FAM186A: variants seen among roughly 807,000 people sequenced by gnomAD.
The protein encoded by FAM186A is family with sequence similarity 186 member A.
A neutral mutation model predicts 216.8 loss-of-function variants in FAM186A; 163 were observed. The ratio of observed to expected loss-of-function variants is 0.75; its 90% CI spans 0.66 to 0.86. FAM186A has a LOEUF of 0.86. FAM186A is among the 40% of genes least tolerant of loss of function. The pLI, the probability that FAM186A is intolerant of heterozygous loss-of-function variation, is 0.00. For missense variants in FAM186A, 2,184 were observed against 2,746.2 expected (o/e 0.80, Z 4.58); for synonymous variants, 805 against 1,025.3 (o/e 0.79, Z 4.10).
At chr12:50,332,193 A>C (rs1270083655) in intron 5 of FAM186A, among the ~76,000 whole-genome samples, 1 of 152,250 alleles carries the variant, frequency 6.6e-6, no homozygotes, top group Non-Finnish European at 1.5e-5. Context: ...GCAGTATGCA[A>C]CTGTAATGAT....
In FAM186A at chr12:50,396,513, T is replaced by G; in HGVS notation, c.-29A>C. The G allele has an allele frequency of 6.6e-7, 1 of 1,525,054 alleles. No individual in the cohort carries two copies. Among genetic ancestry groups the G allele is most frequent in the East Asian group, 2.5e-5 (1 of 40,736 alleles). 94.5% of individuals were successfully genotyped at this position (1,525,054 alleles called of 1,614,324 possible). The stretch of plus-strand genomic sequence containing the variant: ...GAAAATGTGGGTGATTTCGTTTTAT[T>G]TCTTCTTTTTCACAGAATCTACAAA... On this transcript the variant is annotated 5_prime_UTR_variant, in exon 1 of 8. Transcript: ENST00000327337.
At chr12:50,346,685 A>C (rs1230658393) in intron 4 of FAM186A, among the ~76,000 whole-genome samples, 2 of 151,898 alleles carry the variant, frequency 1.3e-5, no homozygotes, top group African/African-American at 4.8e-5. Context: ...GTCTCTACTA[A>C]AAATACAAAA....
chr12:50,370,327 C>G (rs916485685), intron 1 of FAM186A, among the ~76,000 whole-genome samples: 1 of 151,190 alleles, frequency 6.6e-6, no homozygotes, highest in Admixed American at 6.6e-5. Context: ...AAACAAAAAC[C>G]CAAATAAACC....
intron 1 of FAM186A, among the ~76,000 whole-genome samples, chr12:50,383,916 G>A (rs1396716865): frequency 2.0e-5 from 3 of 152,012 alleles, no homozygotes; most frequent in Middle Eastern, 3.2e-3. Context: ...CCAGGAAATC[G>A]AGACCATCCT....
At chr12:50,383,768 T>C (rs1042859645) in intron 1 of FAM186A, among the ~76,000 whole-genome samples, 5 of 151,988 alleles carry the variant, frequency 3.3e-5, no homozygotes, top group African/African-American at 1.2e-4. Context: ...AACTCCTCAT[T>C]GTAAGCAAAC....
intron 1 of FAM186A, among the ~76,000 whole-genome samples, chr12:50,385,814 A>G (rs1232316121): frequency 2.6e-5 from 4 of 151,962 alleles, no homozygotes. Flanking sequence ...AGGCAGGAGA[A>G]TTGCTTGAAC....
At chr12:50,364,338 A>C (rs1844570773) in intron 1 of FAM186A, among the ~76,000 whole-genome samples, 1 of 151,578 alleles carries the variant, frequency 6.6e-6, no homozygotes, top group African/African-American at 2.4e-5. Flanking sequence ...GCAGATCGCG[A>C]GGTCAGGAGA....
Position 50,353,752 on chromosome 12 carries a change from T to G in FAM186A, c.3080A>C (p.Lys1027Thr). 6.4e-7 allele frequency: 1 copy of G among 1,550,668 alleles called. No homozygotes were observed. The highest frequency in any genetic ancestry group is 8.7e-7 in the Non-Finnish European group (1 of 1,146,700). The change falls in exon 4 of 8, where the codon AAA (lysine) becomes ACA (threonine). Residue 1027 changes from lysine to threonine, a missense_variant. Physicochemically the swap from Lys to Thr is moderately conservative, Grantham distance 78 (BLOSUM62 -1). This residue lies in a region of FAM186A where 1,132 missense variants were observed against 1,263.4 expected (regional missense o/e 0.90). Coordinates refer to ENST00000327337, the MANE Select transcript of FAM186A (RefSeq NM_001145475.3). Reference protein sequence around the residue: ...LKDVQRSYEGKEFQRNLKTLE... With the variant: ...LKDVQRSYEGTEFQRNLKTLE... Reference sequence around the variant, plus strand: ...TGTCTTCAGATTCCTCTGAAACTCTTTTCCTTCATATGACCGCTGTACATC... The same window carrying G: ...TGTCTTCAGATTCCTCTGAAACTCTGTTCCTTCATATGACCGCTGTACATC...
intron 1 of FAM186A, among the ~76,000 whole-genome samples, chr12:50,372,932 A>AGAAG (rs1236094082): frequency 2.9e-5 from 4 of 139,318 alleles, no homozygotes; most frequent in East Asian, 2.4e-4. Context: ...AAAGAAAGAA[A>AGAAG]GAAGGAAGGA....
Position 50,373,699 on chromosome 12 carries a change from G to A in FAM186A, c.193-10335C>T, listed in dbSNP as rs968491411. On this transcript the variant is annotated intron_variant, in intron 1 of 7. Coordinates refer to ENST00000327337, the MANE Select transcript of FAM186A (RefSeq NM_001145475.3). ...GAAATAGGAACACTTTTACACTGTT[G>A]GTGGGACTGTAAACTAGTTCAACCA... 7.2e-5 allele frequency among the ~76,000 whole-genome samples: 11 copies of A among 152,222 alleles called. No homozygotes were observed. The East Asian group carries it at 9.7e-4, about 13-fold the overall frequency.
chr12:50,377,847 ACAAG>A (rs1943212918), intron 1 of FAM186A, among the ~76,000 whole-genome samples: 1 of 151,076 alleles, frequency 6.6e-6, no homozygotes, highest in Admixed American at 6.6e-5. Flanking sequence ...AAAAAAAAAA[ACAAG>A]AAAAGAAAGA....
intron 1 of FAM186A, among the ~76,000 whole-genome samples, chr12:50,363,772 AGAAAG>A (rs200359671): frequency 0.32 from 45,903 of 143,664 alleles, 7,446 homozygotes; most frequent in South Asian, 0.48. Context: ...AAAAAAAAAA[AGAAAG>A]AAAGAAAGAA....
At chr12:50,376,574 G>C (rs1029763333) in intron 1 of FAM186A, among the ~76,000 whole-genome samples, 40 of 152,048 alleles carry the variant, frequency 2.6e-4, no homozygotes, top group African/African-American at 7.5e-4. Flanking sequence ...GTTTTTATGG[G>C]CTCAAAAGGG....
intron 1 of FAM186A, 132 bp downstream of exon 1, chr12:50,396,161 A>AT (rs1327708522): frequency 2.6e-6 from 2 of 774,520 alleles, no homozygotes; most frequent in Non-Finnish European, 3.8e-6. Flanking sequence ...TGAAATTGTC[A>AT]TTTGAAGTCA....
Position 50,359,420 on chromosome 12 carries a change from C to T in FAM186A, c.583+1336G>A, listed in dbSNP as rs186499940. 1.2e-3 allele frequency among the ~76,000 whole-genome samples: 184 copies of T among 152,152 alleles called. 1 individual carries two copies. Among genetic ancestry groups the T allele is most frequent in the African/African-American group, 4.3e-3 (179 of 41,514 alleles). The stretch of plus-strand genomic sequence containing the variant: ...TCTCAAAAAAAAAGACAGACAATAA[C>T]AAGTGTTGTTGAGGAAATGGAGAAA... On this transcript the variant is annotated intron_variant, in intron 3 of 7. Coordinates refer to ENST00000327337, the MANE Select transcript of FAM186A (RefSeq NM_001145475.3).
rs1943083747 is a variant in FAM186A at position 50,365,960 on chromosome 12, G to A, written c.193-2596C>T. The A allele has an allele frequency of 3.9e-6, 3 of 767,234 alleles. No homozygotes were observed. In the South Asian group the frequency reaches 4.0e-5, roughly 10 times the overall value. The allele number at this position is 767,234 out of a possible 1,614,324, so 47.5% of individuals were successfully genotyped here. On this transcript the variant is annotated intron_variant, in intron 1 of 7. Transcript: ENST00000327337. ...TCCATGTGGGCCCTCGCCCCAGCAA[G>A]GTGGGTATCACTAGGCTAAAACTGG...
chr12:50,380,628 G>A (rs1012232106), intron 1 of FAM186A, among the ~76,000 whole-genome samples: 2 of 151,666 alleles, frequency 1.3e-5, no homozygotes, highest in Admixed American at 1.3e-4. Context: ...CCTGGGAGGT[G>A]GAGGTTGCAG....
Position 50,378,423 on chromosome 12 carries a change from G to A in FAM186A, c.193-15059C>T, listed in dbSNP as rs541473558. On this transcript the variant is annotated intron_variant, in intron 1 of 7. Coordinates refer to ENST00000327337, the MANE Select transcript of FAM186A (RefSeq NM_001145475.3). ...CAGGCGCCTGTAATCCCAGCTACTCGGGAGGCTGAGGCAGGAGAATCGTTT... is the reference window on the plus strand; with the variant it reads ...CAGGCGCCTGTAATCCCAGCTACTCAGGAGGCTGAGGCAGGAGAATCGTTT... Among the ~76,000 whole-genome samples, 68 of 151,248 alleles carry A rather than the reference G, an allele frequency of 4.5e-4. 1 individual carries two copies. The highest frequency in any genetic ancestry group is 1.6e-3 in the African/African-American group (65 of 41,248).
chr12:50,360,659 TG>T, intron 3 of FAM186A, 96 bp downstream of exon 3: 1 of 1,083,708 alleles, frequency 9.2e-7, no homozygotes, highest in Non-Finnish European at 1.3e-6. Flanking sequence ...CACACCAGCC[TG>T]GGTGATAGAG....
Sources: allele counts gnomAD v4.1 joint callset (sites outside exome capture counted in the v4.1 genomes callset), GRCh38; gene constraint gnomAD v4.1.1; regional missense constraint gnomAD v4.1.1; transcripts MANE v1.5; gene names NCBI Gene and HGNC (gene_info 2026-07-23, HGNC 2026-07-21).